Variants in RND3 observed in about 807,000 individuals in gnomAD.
The protein encoded by RND3 is rho-related GTP-binding protein RhoE.
A neutral mutation model predicts 26.5 loss-of-function variants in RND3; 8 were observed. The ratio of observed to expected loss-of-function variants is 0.30; its 90% CI spans 0.18 to 0.54. RND3 has a LOEUF of 0.54. RND3 is among the 20% of genes least tolerant of loss of function. The probability of loss-of-function intolerance (pLI) is 0.94; values close to 1 mark genes in which losing one functional copy is unlikely to be tolerated. For synonymous variants in RND3, 113 were observed against 113.0 expected (o/e 1.00, Z 0.00); for missense variants, 207 against 302.8 (o/e 0.68, Z 2.35).
At chr2:150,471,157 C>T (rs889035781) in intron 5 of RND3, among the ~76,000 whole-genome samples, 1 of 152,152 alleles carries the variant, frequency 6.6e-6, no homozygotes, top group African/African-American at 2.4e-5. Context: ...GGTATTTCAA[C>T]ATGAACTCTC....
At chr2:150,470,384 A>C in intron 5 of RND3, 146 bp from the exon 6 acceptor site, 1 of 833,946 alleles carries the variant, frequency 1.2e-6, no homozygotes, top group Non-Finnish European at 1.8e-6. Context: ...TGCAAAAAAA[A>C]AAAGTTGTTA....
intron 4 of RND3, 120 bp from the exon 5 acceptor site, chr2:150,471,881 T>C: frequency 1.2e-6 from 1 of 842,208 alleles, no homozygotes; most frequent in Non-Finnish European, 1.8e-6. Flanking sequence ...AAAAATGGAG[T>C]GTCCCTTGAG....
rs71422244 is a variant in RND3 at position 150,487,464 on chromosome 2, G to GAAA, written c.-38-12_-38-10dup. On this transcript the variant is annotated splice_polypyrimidine_tract_variant and intron_variant, in intron 1 of 5. Transcript: ENST00000263895. ...TGGAACAGGAATTTTCTCTTAAGAAGAAAAAAAAAAATATATATATATATA... is the reference window on the plus strand; with the variant it reads ...TGGAACAGGAATTTTCTCTTAAGAAGAAAAAAAAAAAAAATATATATATATATA... 649 of 288,208 alleles carry GAAA rather than the reference G, an allele frequency of 2.3e-3. 10 individuals are homozygous for GAAA. Among genetic ancestry groups the GAAA allele is most frequent in the African/African-American group, 6.7e-3 (267 of 39,648 alleles). 17.9% of individuals were successfully genotyped at this position (288,208 alleles called of 1,614,324 possible).
At position 150,487,470 on chromosome 2, in the gene RND3, AAAAAAT is replaced by A; in HGVS notation, c.-38-21_-38-16del. On this transcript the variant is annotated splice_polypyrimidine_tract_variant and intron_variant, in intron 1 of 5. Transcript: ENST00000263895. ...AGGAATTTTCTCTTAAGAAGAAAAA[AAAAAAT>A]ATATATATATATATATATTTCTCTC... 5.0e-6 allele frequency: 2 copies of A among 401,990 alleles called. No individual in the cohort carries two copies. Among genetic ancestry groups the A allele is most frequent in the East Asian group, 6.9e-5 (1 of 14,538 alleles). The allele number at this position is 401,990 out of a possible 1,614,324, so 24.9% of individuals were successfully genotyped here.
intron 5 of RND3, among the ~76,000 whole-genome samples, chr2:150,470,497 A>G (rs2105215556): frequency 6.6e-6 from 1 of 152,322 alleles, no homozygotes; most frequent in Admixed American, 6.5e-5. Context: ...TAGAGCTCTG[A>G]ATAAATGCTA....
chr2:150,487,355 G>A lies in RND3; in HGVS notation c.63C>T (p.Asn21=), dbSNP rs769524149. The change falls in exon 2 of 6, where the codon AAC becomes AAT. Residue 21 remains asparagine, a synonymous_variant. Transcript: ENST00000263895. ...CCACCACAACTATCTTGCATTTCAC[G>A]TTCTGATTAGGATCCATGATAGATT... ...SSKSIMDPNQ[N]VKCKIVVVGD... 5.6e-6 allele frequency: 9 copies of A among 1,603,310 alleles called. 1 individual carries two copies. The Admixed American group carries it at 6.7e-5, about 12-fold the overall frequency.
At position 150,482,729 on chromosome 2, in the gene RND3, G is replaced by C. The variant is rs539573964; in HGVS notation, c.238+3965C>G. On this transcript the variant is annotated intron_variant, in intron 3 of 5. Coordinates refer to ENST00000263895, the MANE Select transcript of RND3 (RefSeq NM_005168.5). Reference sequence around the variant, plus strand: ...ACTGGTGTGTGCAATGGGCGGGGGTGGGGGGGGCGGTGCGGGGGTAGCTGT... The same window carrying C: ...ACTGGTGTGTGCAATGGGCGGGGGTCGGGGGGGCGGTGCGGGGGTAGCTGT... 2.8e-4 allele frequency among the ~76,000 whole-genome samples: 40 copies of C among 140,880 alleles called. 1 individual carries two copies. The highest frequency in any genetic ancestry group is 6.7e-4 in the African/African-American group (26 of 38,878). 92.4% of individuals were successfully genotyped at this position (140,880 alleles called of 152,430 possible).
At position 150,471,684 on chromosome 2, in the gene RND3, A is replaced by T; in HGVS notation, c.426T>A (p.Asp142Glu). The T allele has an allele frequency of 1.2e-6, 2 of 1,613,526 alleles. No homozygotes were observed. The highest frequency in any genetic ancestry group is 1.7e-4 in the Middle Eastern group (1 of 6,052). ...LVGCKSDLRT[D>E]VSTLVELSNH... is the part of the protein sequence containing the mutation. ...TGGAGAGCTCTACTAATGTACTAAC[A>T]TCTGTCCGCAGATCAGACTTGCAGC... is the stretch of plus-strand genomic sequence containing the variant. The change falls in exon 5 of 6, where the codon GAT (aspartate) becomes GAA (glutamate). Residue 142 changes from aspartate (D) to glutamate (E), a missense_variant. Transcript: ENST00000263895.
In RND3 at chr2:150,486,922, G is replaced by C. The variant is rs1202191883; in HGVS notation, c.151-141C>G. 2.8e-6 allele frequency: 2 copies of C among 713,264 alleles called. No individual in the cohort carries two copies. The highest frequency in any genetic ancestry group is 5.1e-5 in the East Asian group (2 of 39,398). The allele number at this position is 713,264 out of a possible 1,614,324, so 44.2% of individuals were successfully genotyped here. On this transcript the variant is annotated intron_variant, in intron 2 of 5. Transcript: ENST00000263895. This position sits in a 1 kb window ranked among gnomAD's most constrained non-coding sequence, Gnocchi z 4.5. ...CTTCACACATCAGACCACACACTAA[G>C]CACATGGACCCTTTCCGAAACCCCT...
intron 3 of RND3, among the ~76,000 whole-genome samples, chr2:150,482,735 G>GGGGGGGGGGGGGC (rs1686296666): frequency 7.5e-6 from 1 of 133,646 alleles, no homozygotes; most frequent in Non-Finnish European, 1.6e-5. Flanking sequence ...GGGTGGGGGG[G>GGGGGGGGGGGGGC]GCGGTGCGGG....
chr2:150,470,117 T>C lies in RND3; in HGVS notation c.605A>G (p.Asn202Ser), dbSNP rs1686060383. The change falls in exon 6 of 6, where the codon AAT (asparagine) becomes AGT (serine). Residue 202 changes from asparagine (N) to serine (S), a missense_variant. Coordinates refer to ENST00000263895, the MANE Select transcript of RND3 (RefSeq NM_005168.5). ...VATLACVNKT[N>S]KNVKRNKSQR... ...TGATTTGTTCCGCTTAACGTTTTTA[T>C]TTGTCTTATTTACACATGCCAAGGT... 2 of 1,613,962 alleles carry C rather than the reference T, an allele frequency of 1.2e-6. No homozygotes were observed. The highest frequency in any genetic ancestry group is 1.7e-6 in the Non-Finnish European group (2 of 1,179,970).
At chr2:150,477,300 T>C (rs1317387975) in intron 3 of RND3, among the ~76,000 whole-genome samples, 4 of 152,194 alleles carry the variant, frequency 2.6e-5, no homozygotes, top group Admixed American at 6.5e-5. Context: ...ATTTGTATGA[T>C]GTTAGAGTAC....
chr2:150,478,109 A>T lies in RND3; in HGVS notation c.239-3125T>A, dbSNP rs1482535293. 3.3e-5 allele frequency among the ~76,000 whole-genome samples: 5 copies of T among 152,230 alleles called. No homozygotes were observed. The East Asian group carries it at 7.7e-4, about 23-fold the overall frequency. ...ATATCTATTGTCTCTATTTATTCAC[A>T]GTGAAAAATATTGATATAGAATTAT... On this transcript the variant is annotated intron_variant, in intron 3 of 5. Coordinates refer to ENST00000263895, the MANE Select transcript of RND3 (RefSeq NM_005168.5).
Position 150,487,474 on chromosome 2 carries a change from A to AATATATATATATAT in RND3, c.-38-33_-38-20dup, listed in dbSNP as rs1209384148. On this transcript the variant is annotated intron_variant, in intron 1 of 5. Coordinates refer to ENST00000263895, the MANE Select transcript of RND3 (RefSeq NM_005168.5). ...ATTTTCTCTTAAGAAGAAAAAAAAA[A>AATATATATATATAT]ATATATATATATATATATATTTCTC... 250 of 200,730 alleles carry AATATATATATATAT rather than the reference A, an allele frequency of 1.2e-3. 1 individual carries two copies. The highest frequency in any genetic ancestry group is 3.3e-3 in the Middle Eastern group (2 of 612). The allele number at this position is 200,730 out of a possible 1,614,324, so 12.4% of individuals were successfully genotyped here.
chr2:150,481,894 A>G (rs1027298054), intron 3 of RND3, among the ~76,000 whole-genome samples: 3 of 152,186 alleles, frequency 2.0e-5, no homozygotes, highest in African/African-American at 7.2e-5. Context: ...GATGTACAAT[A>G]ATCTAAATAT....
At chr2:150,481,693 G>A (rs1259556046) in intron 3 of RND3, among the ~76,000 whole-genome samples, 2 of 151,792 alleles carry the variant, frequency 1.3e-5, no homozygotes, top group African/African-American at 4.8e-5. Context: ...TTTATGTCTT[G>A]TCTAGATGTG....
At chr2:150,487,043 G>T (rs1205125435) in intron 2 of RND3, 3 of 603,316 alleles carry the variant, frequency 5.0e-6, no homozygotes, top group Non-Finnish European at 8.8e-6. Context: ...CAAGTTTCAG[G>T]AGCTAACCAG....
In RND3 at chr2:150,470,348, T is replaced by A. The variant is rs13000209; in HGVS notation, c.484-110A>T. 4.4e-5 allele frequency: 51 copies of A among 1,150,680 alleles called. No homozygotes were observed. The African/African-American group carries it at 7.5e-4, about 17-fold the overall frequency. The allele number at this position is 1,150,680 out of a possible 1,614,324, so 71.3% of individuals were successfully genotyped here. A position where few individuals can be genotyped will look rare whatever the true frequency, so the allele number is the denominator to read the frequency against. ...ACACATTGCAAAACGTTTGCTGATA[T>A]GTTAACTGAATTTTCCAAGTGTCAT... On this transcript the variant is annotated intron_variant, in intron 5 of 5. Coordinates refer to ENST00000263895, the MANE Select transcript of RND3 (RefSeq NM_005168.5).
chr2:150,477,018 CAT>C (rs1247593751), intron 3 of RND3, among the ~76,000 whole-genome samples: 2 of 152,158 alleles, frequency 1.3e-5, no homozygotes, highest in African/African-American at 4.8e-5. Context: ...AATTCTAGAT[CAT>C]AGAGTGGAGC....
Sources: gnomAD v4.1 joint callset for allele counts (sites outside exome capture counted in the v4.1 genomes callset) on GRCh38, gnomAD v4.1.1 for gene constraint, Gnocchi (gnomAD v3.1) non-coding constraint, MANE v1.5 for transcripts, NCBI Gene and HGNC (gene_info 2026-07-23, HGNC 2026-07-21) for gene names.